Variants in UBE2K observed in about 807,000 individuals in gnomAD.
UBE2K encodes ubiquitin-conjugating enzyme E2 K.
In UBE2K, 6 loss-of-function variants were observed where a neutral mutation model predicts 30.0. The observed-to-expected ratio is 0.20, with a 90% confidence interval of 0.11 to 0.39. UBE2K has a LOEUF of 0.39. Among genes scored for constraint, UBE2K ranks in the 10% least tolerant of loss-of-function variants. The pLI is 1.00. For missense variants in UBE2K, 61 were observed against 241.6 expected, an observed-to-expected ratio of 0.25 and a Z score of 4.96; for synonymous variants, 86 against 83.7, an observed-to-expected ratio of 1.03 and a Z score of -0.15.
rs567505401 is a variant in UBE2K, at chr4:39,778,695, A to G, written c.*261A>G. ...AAATTCCCTGAGCTAAGCTAAAACC[A>G]TGGAAGAAACATGCTACTTTAGTGT... On this transcript the variant is annotated 3_prime_UTR_variant, in exon 7 of 7. Coordinates refer to ENST00000261427, the MANE Select transcript of UBE2K (RefSeq NM_005339.5). The G allele has an allele frequency of 5.1e-5, 16 of 312,882 alleles. No homozygotes were observed. The highest frequency in any genetic ancestry group is 3.2e-4 in the African/African-American group (15 of 46,546). 19.4% of individuals were successfully genotyped at this position (312,882 alleles called of 1,614,324 possible). A position where few individuals can be genotyped will look rare whatever the true frequency, so the allele number is the denominator to read the frequency against.
chr4:39,707,850 G>A (rs1189624399), intron 1 of UBE2K, among the ~76,000 whole-genome samples: 1 of 151,826 alleles, frequency 6.6e-6, no homozygotes, highest in Non-Finnish European at 1.5e-5. Context: ...GGAAAGTTAA[G>A]ACTGACCTCA....
At chr4:39,761,285 GAAACCCA>G (rs1318937972) in intron 4 of UBE2K, 1 of 152,160 alleles carries the variant, frequency 6.6e-6, no homozygotes, top group Non-Finnish European at 1.5e-5. Context: ...ACAACATAGT[GAAACCCA>G]ATCTCTTTAA....
chr4:39,750,770 G>A (rs1312281643), intron 3 of UBE2K, among the ~76,000 whole-genome samples: 1 of 150,980 alleles, frequency 6.6e-6, no homozygotes, highest in Non-Finnish European at 1.5e-5. Context: ...TTTTGAGACA[G>A]GGTCTTGCTG....
At chr4:39,772,747 G>A (rs1218479171) in intron 4 of UBE2K, among the ~76,000 whole-genome samples, 1 of 151,318 alleles carries the variant, frequency 6.6e-6, no homozygotes, top group Non-Finnish European at 1.5e-5. Flanking sequence ...GAGTGCAATG[G>A]CATGATTTTG....
In UBE2K at chr4:39,781,095, GATGAATGA is replaced by G. The variant is rs539437315; in HGVS notation, c.*2677_*2684del. 6.6e-5 allele frequency: 10 copies of G among 152,128 alleles called. No individual in the cohort carries two copies. The highest frequency in any genetic ancestry group is 1.3e-4 in the Non-Finnish European group (9 of 67,956). 9.4% of individuals were successfully genotyped at this position (152,128 alleles called of 1,614,324 possible). A position where few individuals can be genotyped will look rare whatever the true frequency, so the allele number is the denominator to read the frequency against. ...ATTAGCTGTATAGTATTTCAGTACT[GATGAATGA>G]ATGAATGAATGAATGGCAGTTAGTG... On this transcript the variant is annotated 3_prime_UTR_variant, in exon 7 of 7. Transcript: ENST00000261427.
rs1355113688 is a variant in UBE2K at position 39,754,117 on chromosome 4, T to C, written c.217-1540T>C. 6.6e-5 allele frequency among the ~76,000 whole-genome samples: 10 copies of C among 152,262 alleles called. No individual in the cohort carries two copies. The East Asian group carries it at 1.5e-3, about 24-fold the overall frequency. On this transcript the variant is annotated intron_variant, in intron 3 of 6. Transcript: ENST00000261427. ...AGCAGCATAGTGATGCAAATCAGAT[T>C]TGTTTTAAAGGGCTCTCTTTAGTTT... is the stretch of plus-strand genomic sequence containing the variant.
chr4:39,770,192 G>C, intron 4 of UBE2K: 1 of 1,609,868 alleles, frequency 6.2e-7, no homozygotes, highest in Non-Finnish European at 8.5e-7. Context: ...TGTGGGCGAA[G>C]CGCATGTCGC....
At chr4:39,770,083 A>G in intron 4 of UBE2K, 2 of 1,545,394 alleles carry the variant, frequency 1.3e-6, no homozygotes, top group South Asian at 1.2e-5. Context: ...CTGCGCGGCT[A>G]GCGGATGAGG....
At chr4:39,710,147 T>G (rs1718588273) in intron 1 of UBE2K, 1 of 152,074 alleles carries the variant, frequency 6.6e-6, no homozygotes, top group Non-Finnish European at 1.5e-5. Flanking sequence ...CTGGTTATGA[T>G]CAATTAATTG....
At chr4:39,721,556 C>T (rs1019390584) in intron 1 of UBE2K, among the ~76,000 whole-genome samples, 2 of 151,922 alleles carry the variant, frequency 1.3e-5, no homozygotes, top group African/African-American at 4.8e-5. Context: ...GGGGTTTCAC[C>T]GTGTTGCCCA....
intron 2 of UBE2K, among the ~76,000 whole-genome samples, chr4:39,741,167 A>C (rs1720683193): frequency 6.6e-6 from 1 of 151,986 alleles, no homozygotes; most frequent in African/African-American, 2.4e-5. Flanking sequence ...GCTACTCAGG[A>C]GGCTGAGGCA....
At chr4:39,757,004 T>TTTTTTTG (rs960246342) in intron 4 of UBE2K, among the ~76,000 whole-genome samples, 2 of 137,830 alleles carry the variant, frequency 1.5e-5, no homozygotes, top group Non-Finnish European at 3.1e-5. Context: ...TTGGGTGTTT[T>TTTTTTTG]TTTTTTGTTT....
chr4:39,723,930 A>G (rs1281637995), intron 1 of UBE2K, among the ~76,000 whole-genome samples: 1 of 152,024 alleles, frequency 6.6e-6, no homozygotes, highest in African/African-American at 2.4e-5. Context: ...CTCCTGCCTC[A>G]GCCTCCCAGG....
chr4:39,736,864 A>G (rs550053349), intron 1 of UBE2K, among the ~76,000 whole-genome samples: 17 of 152,338 alleles, frequency 1.1e-4, no homozygotes, highest in Middle Eastern at 3.4e-3. Context: ...TTTTCATGGA[A>G]AGGAGAATCT....
chr4:39,713,142 G>T (rs964767898), intron 1 of UBE2K, among the ~76,000 whole-genome samples: 6 of 152,244 alleles, frequency 3.9e-5, no homozygotes, highest in African/African-American at 1.4e-4. Context: ...GGGATTACAG[G>T]CGTGAGCCAC....
Position 39,745,999 on chromosome 4 carries a change from C to T in UBE2K, c.216+189C>T, listed in dbSNP as rs889249159. ...TTCTGAAATTAGAATGAAAAGCAAA[C>T]TCACCCAAAGGCAGCCAGTAATGGC... On this transcript the variant is annotated intron_variant, in intron 3 of 6. Transcript: ENST00000261427. 2.0e-5 allele frequency among the ~76,000 whole-genome samples: 3 copies of T among 152,128 alleles called. No homozygotes were observed. The East Asian group carries it at 5.8e-4, about 29-fold the overall frequency.
intron 2 of UBE2K, among the ~76,000 whole-genome samples, chr4:39,745,096 C>G (rs1005960304): frequency 2.0e-5 from 3 of 152,094 alleles, no homozygotes; most frequent in African/African-American, 7.2e-5. Context: ...CCTGGCCTAG[C>G]TTTAAGCAGT....
At chr4:39,712,427 T>A (rs1422280916) in intron 1 of UBE2K, among the ~76,000 whole-genome samples, 1 of 149,644 alleles carries the variant, frequency 6.7e-6, no homozygotes, top group African/African-American at 2.5e-5. Context: ...GTGTTTTTTT[T>A]GTTTTATTTT....
rs75257173 is a variant in UBE2K, at chr4:39,714,294, G to A, written c.63+15904G>A. 5.3e-3 allele frequency: 1,090 copies of A among 204,364 alleles called. 16 individuals carry two copies. Among genetic ancestry groups the A allele is most frequent in the African/African-American group, 0.024 (1,026 of 42,854 alleles). 12.7% of individuals were successfully genotyped at this position (204,364 alleles called of 1,614,324 possible). A position where few individuals can be genotyped will look rare whatever the true frequency, so the allele number is the denominator to read the frequency against. ...TTGTCCAAATGAACCTTTATGAGCT[G>A]CCTGCCATCCAGTTTCTCTTGCCCA... On this transcript the variant is annotated intron_variant, in intron 1 of 6. Transcript: ENST00000261427.
Sources: gnomAD v4.1 joint callset for allele counts (sites outside exome capture counted in the v4.1 genomes callset) on GRCh38, gnomAD v4.1.1 for gene constraint, MANE v1.5 for transcripts, NCBI Gene and HGNC (gene_info 2026-07-23, HGNC 2026-07-21) for gene names.